Variants in ESD observed in about 807,000 individuals in gnomAD.
ESD encodes esterase D, also known as S-formylglutathione hydrolase.
ESD carries 34 observed loss-of-function variants against 38.1 expected under a neutral mutation model. The observed-to-expected ratio is 0.89, with a 90% CI of 0.68 to 1.19. The LOEUF (loss-of-function observed/expected upper bound fraction) is 1.19, where lower values mean the gene tolerates loss of function less well. Among genes scored for constraint, ESD ranks in the 50% most tolerant of loss-of-function variants. The probability of loss-of-function intolerance (pLI) is 0.00; values close to 1 mark genes in which losing one functional copy is unlikely to be tolerated. For missense variants in ESD, 334 were observed against 327.2 expected, an observed-to-expected ratio of 1.02 and a Z score of -0.16; for synonymous variants, 97 against 107.0, an observed-to-expected ratio of 0.91 and a Z score of 0.58.
At chr13:46,787,162 C>T (rs1445450071) in intron 3 of ESD, 53 bp from the exon 4 acceptor site, 2 of 1,040,354 alleles carry the variant, frequency 1.9e-6, no homozygotes, top group African/African-American at 1.6e-5. Context: ...TTAATCAATA[C>T]AGAAACAAAA....
chr13:46,783,065 TTGA>T (rs1875066173), intron 5 of ESD, among the ~76,000 whole-genome samples: 1 of 151,996 alleles, frequency 6.6e-6, no homozygotes, highest in Non-Finnish European at 1.5e-5. Context: ...ACTTTCTTTG[TTGA>T]TGAAGTTTCT....
chr13:46,785,080 T>C (rs2138296343), intron 4 of ESD, among the ~76,000 whole-genome samples: 1 of 152,196 alleles, frequency 6.6e-6, no homozygotes. Flanking sequence ...ATCATCTTTG[T>C]ATTCTTCACT....
chr13:46,794,703 T>C (rs80146556), intron 1 of ESD, among the ~76,000 whole-genome samples: 285 of 152,292 alleles, frequency 1.9e-3, no homozygotes, highest in Non-Finnish European at 3.4e-3. Context: ...CCTATTCCAC[T>C]GGCTCTTAAC....
At chr13:46,786,695 T>C (rs1339351634) in intron 4 of ESD, among the ~76,000 whole-genome samples, 4 of 152,030 alleles carry the variant, frequency 2.6e-5, no homozygotes, top group South Asian at 2.1e-4. Context: ...ATTGTTCTAA[T>C]GGACTAGTAA....
chr13:46,787,144 G>T, intron 3 of ESD, 35 bp from the exon 4 acceptor site: 1 of 1,236,990 alleles, frequency 8.1e-7, no homozygotes, highest in Non-Finnish European at 1.2e-6. Context: ...AAATATTAAT[G>T]CCCCTCATTA....
Position 46,771,347 on chromosome 13 carries a change from TTG to T in ESD, c.*67_*68del. On this transcript the variant is annotated 3_prime_UTR_variant, in exon 10 of 10. Transcript: ENST00000378720. ...CCAATGTTTTGAATTTTTTTTTTTT[TTG>T]CTCAGCAATACAGTTGCATTTTACA... 7.0e-6 allele frequency: 7 copies of T among 997,918 alleles called. No homozygotes were observed. The Admixed American group carries it at 7.4e-5, about 11-fold the overall frequency. The allele number at this position is 997,918 out of a possible 1,614,324, so 61.8% of individuals were successfully genotyped here.
In ESD at chr13:46,777,449, T is replaced by C. The variant is rs1305891946; in HGVS notation, c.768+7A>G. On this transcript the variant is annotated splice_region_variant and intron_variant, in intron 9 of 9. Coordinates refer to ENST00000378720, the MANE Select transcript of ESD (RefSeq NM_001984.2). ...TCTAGATCAAGCTAAAGTTTCCTAA[T>C]ACTTGCCTCTTGCAATCGAAAAACA... is the stretch of plus-strand genomic sequence containing the variant. The C allele has an allele frequency of 6.2e-7, 1 of 1,600,490 alleles. No homozygotes were observed.
At chr13:46,785,396 A>G (rs1875158195) in intron 4 of ESD, among the ~76,000 whole-genome samples, 1 of 152,034 alleles carries the variant, frequency 6.6e-6, no homozygotes, top group South Asian at 2.1e-4. Context: ...CATGTTTTCA[A>G]TTCTATTGGG....
intron 9 of ESD, among the ~76,000 whole-genome samples, chr13:46,772,964 G>T (rs762367313): frequency 6.6e-6 from 1 of 152,146 alleles, no homozygotes; most frequent in African/African-American, 2.4e-5. Context: ...GATTACAGGC[G>T]TGAGCCACTG....
At chr13:46,792,701 A>C (rs1463241124) in intron 2 of ESD, among the ~76,000 whole-genome samples, 1 of 152,038 alleles carries the variant, frequency 6.6e-6, no homozygotes, top group Non-Finnish European at 1.5e-5. Flanking sequence ...TATGCTTTTA[A>C]TCTATAAAAG....
chr13:46,784,300 A>G lies in ESD; in HGVS notation c.208T>C (p.Ser70Pro), dbSNP rs777815888. The G allele has an allele frequency of 6.2e-7, 1 of 1,611,836 alleles. No homozygotes were observed. The highest frequency in any genetic ancestry group is 1.1e-5 in the South Asian group (1 of 91,020). Reference sequence around the variant, plus strand: ...ACAACAAGACCATGTTCTGAAGCAGACTGATGATAACCAGATTTTGATATA... The same window carrying G: ...ACAACAAGACCATGTTCTGAAGCAGGCTGATGATAACCAGATTTTGATATA... ...NFISKSGYHQ[S>P]ASEHGLVVIA... The change falls in exon 5 of 10, where the codon TCT (serine) becomes CCT (proline). Residue 70 changes from serine to proline, a missense_variant. Coordinates refer to ENST00000378720, the MANE Select transcript of ESD (RefSeq NM_001984.2).
rs138568091 is a variant in ESD, at chr13:46,795,652, A to T, written c.-56+1453T>A. ...TCAAGTTTAATGCCATTAAAATTTC[A>T]TAAAATTAAAACCATGCAGGATCAC... On this transcript the variant is annotated intron_variant, in intron 1 of 9. Transcript: ENST00000378720. Among the ~76,000 whole-genome samples, 992 of 152,358 alleles carry T rather than the reference A, an allele frequency of 6.5e-3. 14 individuals carry two copies. Among genetic ancestry groups the T allele is most frequent in the African/African-American group, 0.022 (930 of 41,572 alleles).
intron 2 of ESD, among the ~76,000 whole-genome samples, chr13:46,792,787 C>T (rs1481843935): frequency 1.3e-5 from 2 of 151,876 alleles, no homozygotes; most frequent in East Asian, 3.8e-4. Context: ...GTTAACAATC[C>T]TATCTTAAAT....
intron 2 of ESD, among the ~76,000 whole-genome samples, chr13:46,793,181 T>C (rs1245933403): frequency 6.6e-6 from 1 of 151,946 alleles, no homozygotes; most frequent in Non-Finnish European, 1.5e-5. Context: ...TAATTACAAA[T>C]CAAAAAAATA....
intron 9 of ESD, chr13:46,776,777 T>C (rs1443426824): frequency 6.6e-6 from 1 of 152,128 alleles, no homozygotes; most frequent in Non-Finnish European, 1.5e-5. Context: ...CATGACCATG[T>C]ATAATTTTCA....
chr13:46,793,716 T>C (rs1875473639), intron 1 of ESD, among the ~76,000 whole-genome samples: 1 of 152,176 alleles, frequency 6.6e-6, no homozygotes, highest in African/African-American at 2.4e-5. Flanking sequence ...ACTATGAAAG[T>C]TTTTTATCTT....
In ESD at chr13:46,773,034, C is replaced by A. The variant is rs2138281183; in HGVS notation, c.769-1538G>T. Among the ~76,000 whole-genome samples, 5 of 152,204 alleles carry A rather than the reference C, an allele frequency of 3.3e-5. No homozygotes were observed. In the South Asian group the frequency reaches 1.0e-3, roughly 32 times the overall value. On this transcript the variant is annotated intron_variant, in intron 9 of 9. Transcript: ENST00000378720. ...TTAGTTTGTTGAGGATAATGGCTTC[C>A]AACTCCATCCATGTCCCTGCAAAGG...
intron 9 of ESD, among the ~76,000 whole-genome samples, chr13:46,773,184 T>C (rs186321532): frequency 1.3e-5 from 2 of 152,312 alleles, no homozygotes; most frequent in Admixed American, 6.5e-5. Flanking sequence ...TTGAATAGTA[T>C]TGAATAGTAC....
intron 3 of ESD, among the ~76,000 whole-genome samples, 194 bp from the exon 4 acceptor site, chr13:46,787,303 T>G (rs945389545): frequency 6.6e-6 from 1 of 151,974 alleles, no homozygotes; most frequent in African/African-American, 2.4e-5. Flanking sequence ...GTGGTCAATT[T>G]AGCATACTGA....
Sources: allele counts gnomAD v4.1 joint callset (sites outside exome capture counted in the v4.1 genomes callset), GRCh38; gene constraint gnomAD v4.1.1; transcripts MANE v1.5; gene names NCBI Gene and HGNC (gene_info 2026-07-23, HGNC 2026-07-21).